GAB2: variants seen among roughly 807,000 people sequenced by gnomAD.
GAB2 encodes GRB2-associated-binding protein 2.
Under a neutral mutation model 65.5 loss-of-function variants are expected in GAB2, and 26 were observed. That is an observed-to-expected ratio of 0.40 (90% CI 0.29 to 0.55). GAB2 has a LOEUF of 0.55. Among genes scored for constraint, GAB2 ranks in the 20% least tolerant of loss-of-function variants. The probability of loss-of-function intolerance (pLI) is 0.53; values close to 1 mark genes in which losing one functional copy is unlikely to be tolerated. For missense variants in GAB2, 884 were observed against 875.8 expected (o/e 1.01, Z -0.12); for synonymous variants, 321 against 329.6 (o/e 0.97, Z 0.28).
chr11:78,366,055 TATAC>T, intron 1 of GAB2, among the ~76,000 whole-genome samples: 1 of 152,324 alleles, frequency 6.6e-6, no homozygotes, highest in South Asian at 2.1e-4. Context: ...AGACAATGAA[TATAC>T]ATATGTTTTA....
chr11:78,379,459 A>G (rs1352305298), intron 1 of GAB2, among the ~76,000 whole-genome samples: 3 of 152,222 alleles, frequency 2.0e-5, no homozygotes, highest in Non-Finnish European at 4.4e-5. Flanking sequence ...GAAATAGATA[A>G]GGTAAAGCTT....
chr11:78,410,897 G>C (rs1391047685), intron 1 of GAB2, among the ~76,000 whole-genome samples: 1 of 152,038 alleles, frequency 6.6e-6, no homozygotes, highest in Non-Finnish European at 1.5e-5. Flanking sequence ...ACCTATAATC[G>C]CAGCACTCTG....
At chr11:78,260,606 G>A (rs193190523) in intron 2 of GAB2, among the ~76,000 whole-genome samples, 1 of 152,060 alleles carries the variant, frequency 6.6e-6, no homozygotes, top group African/African-American at 2.4e-5. Context: ...CGAGTAGCTG[G>A]GATTACAGGC....
chr11:78,417,682 C>A lies in GAB2; in HGVS notation c.39G>T (p.Leu13=). The change falls in exon 1 of 10, where the codon CTG becomes CTT. Residue 13 remains leucine, a synonymous_variant. Coordinates refer to ENST00000361507, the MANE Select transcript of GAB2 (RefSeq NM_080491.3). ...ACTTCTTCTCGGGAGGCGATTTCCT[C>A]AGCCAGCCGGTGCACACCACGTCGC... ...GGGDVVCTGW[L]RKSPPEKKLR... 1 of 1,392,864 alleles carries A rather than the reference C, an allele frequency of 7.2e-7. No individual in the cohort carries two copies. The highest frequency in any genetic ancestry group is 9.5e-7 in the Non-Finnish European group (1 of 1,050,638). The allele number at this position is 1,392,864 out of a possible 1,614,324, so 86.3% of individuals were successfully genotyped here.
intron 3 of GAB2, among the ~76,000 whole-genome samples, chr11:78,248,396 A>G (rs557394505): frequency 8.0e-4 from 122 of 152,338 alleles, no homozygotes; most frequent in African/African-American, 2.6e-3. Flanking sequence ...CTGTGCTGGT[A>G]TCATCTGGAG....
chr11:78,346,393 A>T (rs1856179115), intron 1 of GAB2, among the ~76,000 whole-genome samples: 1 of 152,048 alleles, frequency 6.6e-6, no homozygotes, highest in Non-Finnish European at 1.5e-5. Context: ...AAGCACACAC[A>T]TGTGCCAGAA....
chr11:78,215,831 G>C lies in GAB2; in HGVS notation c.*3441C>G, dbSNP rs1166360513. 1 of 152,672 alleles carries C rather than the reference G, an allele frequency of 6.5e-6. No individual in the cohort carries two copies. Among genetic ancestry groups the C allele is most frequent in the Non-Finnish European group, 1.5e-5 (1 of 68,082 alleles). The allele number at this position is 152,672 out of a possible 1,614,324, so 9.5% of individuals were successfully genotyped here. On this transcript the variant is annotated 3_prime_UTR_variant, in exon 10 of 10. Coordinates refer to ENST00000361507, the MANE Select transcript of GAB2 (RefSeq NM_080491.3). Reference sequence around the variant, plus strand: ...TCTGGCTTCCCCTGCATTTTATGAAGGCCCAGATGGGGAAGGAAGAACTCT... The same window carrying C: ...TCTGGCTTCCCCTGCATTTTATGAACGCCCAGATGGGGAAGGAAGAACTCT...
intron 3 of GAB2, among the ~76,000 whole-genome samples, chr11:78,229,236 G>A (rs1590947880): frequency 6.6e-6 from 1 of 152,098 alleles, no homozygotes; most frequent in Admixed American, 6.6e-5. Flanking sequence ...CCAGGCAGAA[G>A]GCAGGAGAAG....
intron 3 of GAB2, among the ~76,000 whole-genome samples, chr11:78,236,034 GA>G (rs1452768068): frequency 6.6e-6 from 1 of 152,138 alleles, no homozygotes; most frequent in African/African-American, 2.4e-5. Flanking sequence ...AACAATTTGA[GA>G]AAAACTGCCA....
At chr11:78,322,122 T>C (rs1855735915) in intron 1 of GAB2, among the ~76,000 whole-genome samples, 1 of 151,466 alleles carries the variant, frequency 6.6e-6, no homozygotes, top group Non-Finnish European at 1.5e-5. Context: ...CTGGCCAACA[T>C]GGCGAAACCC....
chr11:78,353,861 A>G (rs10793304), intron 1 of GAB2, among the ~76,000 whole-genome samples: 37,336 of 152,100 alleles, frequency 0.25, 5,102 homozygotes, highest in East Asian at 0.41. Context: ...TTATCAGATA[A>G]CTCCTGGTAC....
Position 78,417,773 on chromosome 11 carries a change from G to A in GAB2, c.-53C>T, listed in dbSNP as rs1341107348. The A allele has an allele frequency of 6.6e-5, 64 of 970,434 alleles. No individual in the cohort carries two copies. In the African/African-American group the frequency reaches 1.1e-3, roughly 17 times the overall value. 60.1% of individuals were successfully genotyped at this position (970,434 alleles called of 1,614,324 possible). On this transcript the variant is annotated 5_prime_UTR_variant, in exon 1 of 10. Coordinates refer to ENST00000361507, the MANE Select transcript of GAB2 (RefSeq NM_080491.3). ...TCGCGCGGACGAGGGCGCGGGCTCG[G>A]GCAGCTGGGGCAGCGGCCGGCGGTG...
At chr11:78,292,220 G>A (rs1470438796) in intron 1 of GAB2, among the ~76,000 whole-genome samples, 2 of 152,126 alleles carry the variant, frequency 1.3e-5, no homozygotes, top group Non-Finnish European at 2.9e-5. Flanking sequence ...AGGTTTACTG[G>A]CAGTTTTTGG....
At chr11:78,257,334 C>A (rs935178717) in intron 2 of GAB2, among the ~76,000 whole-genome samples, 9 of 152,150 alleles carry the variant, frequency 5.9e-5, no homozygotes, top group Non-Finnish European at 1.3e-4. Context: ...AAATTTATCC[C>A]CACCCTCAAG....
At chr11:78,411,987 G>C (rs1228006151) in intron 1 of GAB2, among the ~76,000 whole-genome samples, 1 of 151,912 alleles carries the variant, frequency 6.6e-6, no homozygotes, top group Admixed American at 6.6e-5. Flanking sequence ...CCAAGACTGT[G>C]CCACCGCACT....
intron 1 of GAB2, among the ~76,000 whole-genome samples, chr11:78,314,833 C>T (rs1591029901): frequency 6.6e-6 from 1 of 152,184 alleles, no homozygotes; most frequent in African/African-American, 2.4e-5. Flanking sequence ...TGCCACAATG[C>T]TACTGGGACG....
chr11:78,250,132 C>T, intron 3 of GAB2, 25 bp downstream of exon 3: 1 of 1,611,028 alleles, frequency 6.2e-7, no homozygotes, highest in Non-Finnish European at 8.5e-7. Flanking sequence ...CACTAACCCA[C>T]CTAATGGCTG....
intron 1 of GAB2, among the ~76,000 whole-genome samples, chr11:78,294,331 T>C (rs1026124346): frequency 1.3e-5 from 2 of 152,190 alleles, no homozygotes; most frequent in African/African-American, 4.8e-5. Context: ...GACATTTGGG[T>C]TGGTTCCAAG....
chr11:78,241,696 G>T (rs1218058367), intron 3 of GAB2, among the ~76,000 whole-genome samples: 1 of 152,004 alleles, frequency 6.6e-6, no homozygotes, highest in Non-Finnish European at 1.5e-5. Flanking sequence ...CAGCAAACTT[G>T]ATCAATTAGA....
Sources: allele counts gnomAD v4.1 joint callset (sites outside exome capture counted in the v4.1 genomes callset), GRCh38; gene constraint gnomAD v4.1.1; transcripts MANE v1.5; gene names NCBI Gene and HGNC (gene_info 2026-07-23, HGNC 2026-07-21).